Variants in TXNRD1 observed in about 807,000 individuals in gnomAD.
TXNRD1 encodes thioredoxin reductase 1.
Under a neutral mutation model 80.3 loss-of-function variants are expected in TXNRD1, and 57 were observed. The observed-to-expected ratio is 0.71, with a 90% CI of 0.57 to 0.89. TXNRD1 has a LOEUF of 0.89. Among genes scored for constraint, TXNRD1 ranks in the 40% least tolerant of loss-of-function variants. The pLI, the probability that TXNRD1 is intolerant of heterozygous loss-of-function variation, is 0.00. For synonymous variants in TXNRD1, 291 were observed against 285.2 expected, an observed-to-expected ratio of 1.02 and a Z score of -0.20; for missense variants, 730 against 803.0, an observed-to-expected ratio of 0.91 and a Z score of 1.10.
chr12:104,312,678 A>G (rs1224396447), intron 5 of TXNRD1, among the ~76,000 whole-genome samples: 1 of 152,208 alleles, frequency 6.6e-6, no homozygotes, highest in Non-Finnish European at 1.5e-5. Context: ...TTCCCTCCCT[A>G]AAAATATATT....
rs550209087 is a variant in TXNRD1, at chr12:104,239,570, T to C, written c.92-11957T>C. Among the ~76,000 whole-genome samples, 7 of 151,606 alleles carry C rather than the reference T, an allele frequency of 4.6e-5. No individual in the cohort carries two copies. In the East Asian group the frequency reaches 7.7e-4, roughly 17 times the overall value. On this transcript the variant is annotated intron_variant, in intron 1 of 16. Transcript: ENST00000525566. The stretch of plus-strand genomic sequence containing the variant: ...TATTTAGCTTCTCATTCCTTTTTTT[T>C]CCCTAGACTCAAGTGATTCTCATGC...
intron 16 of TXNRD1, among the ~76,000 whole-genome samples, chr12:104,342,616 T>C (rs7138318): frequency 0.33 from 50,653 of 151,494 alleles, 8,671 homozygotes; most frequent in African/African-American, 0.39. Flanking sequence ...ACCCTCAATA[T>C]TGGCATAGCT....
At chr12:104,314,259 C>G (rs533183340) in intron 6 of TXNRD1, among the ~76,000 whole-genome samples, 18 of 152,166 alleles carry the variant, frequency 1.2e-4, no homozygotes, top group East Asian at 7.7e-4. Context: ...TATAAATGAG[C>G]CTTTGAAGAC....
intron 4 of TXNRD1, chr12:104,304,265 A>G (rs745372570): frequency 3.1e-6 from 5 of 1,614,042 alleles, no homozygotes; most frequent in South Asian, 2.2e-5. Flanking sequence ...AAACTCAGAT[A>G]TGAACTTCTT....
rs1488094158 is a variant in TXNRD1 at position 104,320,632 on chromosome 12, A to G, written c.990-459A>G. Among the ~76,000 whole-genome samples, 3 of 151,952 alleles carry G rather than the reference A, an allele frequency of 2.0e-5. No homozygotes were observed. The South Asian group carries it at 6.2e-4, about 31-fold the overall frequency. On this transcript the variant is annotated intron_variant, in intron 9 of 16. Coordinates refer to ENST00000525566, the MANE Select transcript of TXNRD1 (RefSeq NM_001093771.3). ...ACTCCTTATAGTTGGCTTTTATATT[A>G]TAAGATATTGAAAGTTTTTTTTTTT...
At chr12:104,302,116 A>G (rs925064547) in intron 4 of TXNRD1, among the ~76,000 whole-genome samples, 13 of 152,242 alleles carry the variant, frequency 8.5e-5, no homozygotes, top group African/African-American at 3.1e-4. Context: ...GATCATATAT[A>G]TGTACAACTA....
At chr12:104,250,790 C>T (rs1022787843) in intron 1 of TXNRD1, among the ~76,000 whole-genome samples, 1 of 151,986 alleles carries the variant, frequency 6.6e-6, no homozygotes, top group Non-Finnish European at 1.5e-5. Context: ...TAAGGGTGGG[C>T]TTGAACTTGG....
Position 104,256,697 on chromosome 12 carries a change from T to G in TXNRD1, c.244-1322T>G, listed in dbSNP as rs535880623. Among the ~76,000 whole-genome samples, 6 of 147,228 alleles carry G rather than the reference T, an allele frequency of 4.1e-5. No individual in the cohort carries two copies. The East Asian group carries it at 1.2e-3, about 30-fold the overall frequency. ...GGGTGGCTGAGGCAGGAGACTCGCCTGAACCCGGGGAGGCAGAGATTGCAG... is the reference window on the plus strand; with the variant it reads ...GGGTGGCTGAGGCAGGAGACTCGCCGGAACCCGGGGAGGCAGAGATTGCAG... On this transcript the variant is annotated intron_variant, in intron 2 of 16. Coordinates refer to ENST00000525566, the MANE Select transcript of TXNRD1 (RefSeq NM_001093771.3).
chr12:104,229,602 A>ATTTTATTTTATTTTATTTTATTTT (rs1565853296), intron 1 of TXNRD1, among the ~76,000 whole-genome samples: 3 of 89,304 alleles, frequency 3.4e-5, no homozygotes, highest in African/African-American at 2.2e-4. Context: ...TATTTTATTT[A>ATTTTATTTTATTTTATTTTATTTT]TTTTTTTTGA....
intron 10 of TXNRD1, among the ~76,000 whole-genome samples, chr12:104,324,017 A>G (rs964446300): frequency 2.0e-5 from 3 of 152,174 alleles, no homozygotes; most frequent in African/African-American, 7.2e-5. Flanking sequence ...GGGAGAGGGT[A>G]CATTTTGGAC....
chr12:104,304,636 G>A, intron 4 of TXNRD1: 3 of 1,613,912 alleles, frequency 1.9e-6, no homozygotes, highest in Non-Finnish European at 2.5e-6. Context: ...ACTTTCGAAA[G>A]TATCCTGATA....
Position 104,321,194 on chromosome 12 carries a change from G to A in TXNRD1, c.1093G>A (p.Asp365Asn), listed in dbSNP as rs1262709184. 1.2e-6 allele frequency: 2 copies of A among 1,613,542 alleles called. No homozygotes were observed. Among genetic ancestry groups the A allele is most frequent in the Non-Finnish European group, 8.5e-7 (1 of 1,179,840 alleles). Residue 365 changes from aspartate to asparagine, a missense_variant, in exon 10 of 17, where the codon GAC (aspartate) becomes AAC (asparagine). Physicochemically the swap from Asp to Asn is conservative, Grantham distance 23. Transcript: ENST00000525566. ...CAGFLAGIGL[D>N]VTVMVRSILL... The stretch of plus-strand genomic sequence containing the variant: ...TGGATTTCTTGCTGGTATTGGTTTA[G>A]ACGTCACTGTTATGGTTAGGTCCAT...
intron 4 of TXNRD1, chr12:104,304,645 T>A: frequency 6.2e-7 from 1 of 1,613,962 alleles, no homozygotes; most frequent in Non-Finnish European, 8.5e-7. Context: ...AGTATCCTGA[T>A]ACTCCTGTGT....
intron 3 of TXNRD1, among the ~76,000 whole-genome samples, chr12:104,287,960 A>G (rs2034031237): frequency 6.6e-6 from 1 of 152,152 alleles, no homozygotes; most frequent in Non-Finnish European, 1.5e-5. Context: ...TTAAGCAGCT[A>G]TACTTTGTTT....
intron 15 of TXNRD1, among the ~76,000 whole-genome samples, chr12:104,334,931 C>T (rs910520413): frequency 6.6e-6 from 1 of 152,038 alleles, no homozygotes; most frequent in Non-Finnish European, 1.5e-5. Context: ...ATAAAGTCAT[C>T]GACTATCTAA....
At position 104,334,334 on chromosome 12, in the gene TXNRD1, TA is replaced by T. The variant is rs2135871173; in HGVS notation, c.1746+4del. ...ATAATCTGTAATACTAAAGACAATGTAAGTTTAATTCTCAATCCTTTCCAGT... is the reference window on the plus strand; with the variant it reads ...ATAATCTGTAATACTAAAGACAATGTAGTTTAATTCTCAATCCTTTCCAGT... On this transcript the variant is annotated splice_donor_region_variant and intron_variant, in intron 15 of 16. Transcript: ENST00000525566. 1 of 1,420,552 alleles carries T rather than the reference TA, an allele frequency of 7.0e-7. No individual in the cohort carries two copies. The highest frequency in any genetic ancestry group is 1.5e-5 in the African/African-American group (1 of 68,362). The allele number at this position is 1,420,552 out of a possible 1,614,324, so 88.0% of individuals were successfully genotyped here.
At chr12:104,237,976 G>T (rs1410058539) in intron 1 of TXNRD1, among the ~76,000 whole-genome samples, 1 of 151,500 alleles carries the variant, frequency 6.6e-6, no homozygotes, top group East Asian at 1.9e-4. Flanking sequence ...ACGCCACTGC[G>T]CTCCAGCCTG....
chr12:104,278,189 CTTTT>C (rs202175579), intron 3 of TXNRD1, among the ~76,000 whole-genome samples: 1 of 98,294 alleles, frequency 1.0e-5, no homozygotes, highest in African/African-American at 4.0e-5. Flanking sequence ...TGATCAAATT[CTTTT>C]TTTTTTTTTT....
At chr12:104,303,901 C>G in intron 4 of TXNRD1, 1 of 1,547,100 alleles carries the variant, frequency 6.5e-7, no homozygotes, top group Non-Finnish European at 8.7e-7. Context: ...GTAGCGAGTA[C>G]GCGGCGAAGT....
Sources: allele counts gnomAD v4.1 joint callset (sites outside exome capture counted in the v4.1 genomes callset), GRCh38; gene constraint gnomAD v4.1.1; transcripts MANE v1.5; gene names NCBI Gene and HGNC (gene_info 2026-07-23, HGNC 2026-07-21).